The following PPARA variants were observed in gnomAD, a reference collection of about 807,000 sequenced individuals.
PPARA encodes peroxisome proliferator-activated receptor alpha.
A neutral mutation model predicts 42.2 loss-of-function variants in PPARA; 22 were observed. That is an observed-to-expected ratio of 0.52 (90% CI 0.37 to 0.74). The LOEUF (loss-of-function observed/expected upper bound fraction) is 0.74, where lower values mean the gene tolerates loss of function less well. Ranked by LOEUF, PPARA falls within the 30% of genes least tolerant of loss-of-function variation. The probability of loss-of-function intolerance (pLI) is 0.00; values close to 1 mark genes in which losing one functional copy is unlikely to be tolerated. For synonymous variants in PPARA, 242 were observed against 239.3 expected (o/e 1.01, Z -0.10); for missense variants, 465 against 608.2 (o/e 0.76, Z 2.48).
intron 3 of PPARA, among the ~76,000 whole-genome samples, chr22:46,185,539 G>A (rs1002065857): frequency 1.3e-5 from 2 of 150,496 alleles, no homozygotes; most frequent in African/African-American, 4.9e-5. Context: ...TCTGGCAAAA[G>A]ACAATACTGT....
chr22:46,224,548 G>A lies in PPARA; in HGVS notation c.711+4534G>A, dbSNP rs1935253604. Among the ~76,000 whole-genome samples, 1 of 152,216 alleles carries A rather than the reference G, an allele frequency of 6.6e-6. No homozygotes were observed. Among genetic ancestry groups the A allele is most frequent in the Non-Finnish European group, 1.5e-5 (1 of 68,040 alleles). ...TCGCCGTTTCATCAGTTTCCAGCCT[G>A]GGTGACCTCACAGCCCCAGCCACGC... is the stretch of plus-strand genomic sequence containing the variant. On this transcript the variant is annotated intron_variant, in intron 7 of 8. Coordinates refer to ENST00000407236, the MANE Select transcript of PPARA (RefSeq NM_005036.6). The surrounding 1 kb of genome is among the most constrained non-coding windows in gnomAD (Gnocchi z 5.7).
chr22:46,220,279 T>A (rs1409777091), intron 7 of PPARA: 1 of 485,814 alleles, frequency 2.1e-6, no homozygotes, highest in Admixed American at 3.3e-5. Context: ...AAAAAAAACC[T>A]TAATAGCTTA....
chr22:46,212,346 C>T lies in PPARA; in HGVS notation c.209-2827C>T, dbSNP rs1014855148. Among the ~76,000 whole-genome samples the T allele has an allele frequency of 2.6e-5, 4 of 152,142 alleles. No individual in the cohort carries two copies. The highest frequency in any genetic ancestry group is 9.7e-5 in the African/African-American group (4 of 41,440). On this transcript the variant is annotated intron_variant, in intron 4 of 8. Coordinates refer to ENST00000407236, the MANE Select transcript of PPARA (RefSeq NM_005036.6). This position sits in a 1 kb window ranked among gnomAD's most constrained non-coding sequence, Gnocchi z 4.2. Reference sequence around the variant, plus strand: ...TGCTGGGATGACAGGCATGAGCTACCGTGCCCAGACCACTGTTAGATTTTC... The same window carrying T: ...TGCTGGGATGACAGGCATGAGCTACTGTGCCCAGACCACTGTTAGATTTTC...
chr22:46,201,527 G>A (rs145478751), intron 4 of PPARA, among the ~76,000 whole-genome samples: 71 of 152,284 alleles, frequency 4.7e-4, no homozygotes, highest in African/African-American at 1.6e-3. Flanking sequence ...AAAAGGCTCC[G>A]TGTCAGGTGG....
At chr22:46,209,419 C>T (rs1933710002) in intron 4 of PPARA, among the ~76,000 whole-genome samples, 1 of 152,194 alleles carries the variant, frequency 6.6e-6, no homozygotes, top group Admixed American at 6.5e-5. Flanking sequence ...TTGTCGTTCT[C>T]TGTCTACCTT....
rs1016691300 is a variant in PPARA at position 46,165,508 on chromosome 22, G to A, written c.-126-11245G>A. 3.3e-5 allele frequency among the ~76,000 whole-genome samples: 5 copies of A among 152,208 alleles called. No individual in the cohort carries two copies. ...GATGTTTGGGGCCATTGTGTCCCTG[G>A]GGTGTTGGCCAATTTATGAAAGAAG... On this transcript the variant is annotated intron_variant, in intron 2 of 8. Coordinates refer to ENST00000407236, the MANE Select transcript of PPARA (RefSeq NM_005036.6). The surrounding 1 kb of genome is among the most constrained non-coding windows in gnomAD (Gnocchi z 5.5).
Position 46,232,420 on chromosome 22 carries a change from T to C in PPARA, c.1159+181T>C, listed in dbSNP as rs770718116. Among the ~76,000 whole-genome samples, 1 of 152,018 alleles carries C rather than the reference T, an allele frequency of 6.6e-6. No homozygotes were observed. The highest frequency in any genetic ancestry group is 1.5e-5 in the Non-Finnish European group (1 of 68,000). On this transcript the variant is annotated intron_variant, in intron 8 of 8. Transcript: ENST00000407236. This position sits in a 1 kb window ranked among gnomAD's most constrained non-coding sequence, Gnocchi z 5.3. ...TTCAGTGGGAATTATAACAATATTG[T>C]ATAATATTATAGTATATATTGTTAT...
In PPARA at chr22:46,191,483, TG is replaced by T. The variant is rs1931535695; in HGVS notation, c.-42-6857del. Among the ~76,000 whole-genome samples, 1 of 149,168 alleles carries T rather than the reference TG, an allele frequency of 6.7e-6. No homozygotes were observed. The highest frequency in any genetic ancestry group is 1.5e-5 in the Non-Finnish European group (1 of 67,416). On this transcript the variant is annotated intron_variant, in intron 3 of 8. Coordinates refer to ENST00000407236, the MANE Select transcript of PPARA (RefSeq NM_005036.6). The surrounding 1 kb of genome is among the most constrained non-coding windows in gnomAD (Gnocchi z 4.6). The stretch of plus-strand genomic sequence containing the variant: ...CTGTTCCTCCCTATTGTGTTCAGTA[TG>T]GTTTTTTTTTTTTTTTTCCTTTTGC...
In PPARA at chr22:46,212,400, C is replaced by A. The variant is rs1444980618; in HGVS notation, c.209-2773C>A. ...TGAATAGTTTCACCACATCAAAAAA[C>A]CCCATGCTTCACCTATTCAACCCTG... On this transcript the variant is annotated intron_variant, in intron 4 of 8. Coordinates refer to ENST00000407236, the MANE Select transcript of PPARA (RefSeq NM_005036.6). The surrounding 1 kb of genome is among the most constrained non-coding windows in gnomAD (Gnocchi z 4.2). 6.6e-6 allele frequency among the ~76,000 whole-genome samples: 1 copy of A among 152,166 alleles called. No individual in the cohort carries two copies. Among genetic ancestry groups the A allele is most frequent in the African/African-American group, 2.4e-5 (1 of 41,444 alleles).
At position 46,221,118 on chromosome 22, in the gene PPARA, CAGA is replaced by C. The variant is rs2057639247; in HGVS notation, c.711+1107_711+1109del. ...AGGCCTCAGGGAATTTGACTCATAGCAGAAGGTGAAGTGGGAGTAGGCGTCTTG... is the reference window on the plus strand; with the variant it reads ...AGGCCTCAGGGAATTTGACTCATAGCAGGTGAAGTGGGAGTAGGCGTCTTG... On this transcript the variant is annotated intron_variant, in intron 7 of 8. Coordinates refer to ENST00000407236, the MANE Select transcript of PPARA (RefSeq NM_005036.6). This position sits in a 1 kb window ranked among gnomAD's most constrained non-coding sequence, Gnocchi z 5.9. 2.0e-5 allele frequency among the ~76,000 whole-genome samples: 3 copies of C among 152,144 alleles called. No homozygotes were observed. The highest frequency in any genetic ancestry group is 7.2e-5 in the African/African-American group (3 of 41,418).
At chr22:46,199,902 T>C (rs1932771780) in intron 4 of PPARA, among the ~76,000 whole-genome samples, 1 of 151,968 alleles carries the variant, frequency 6.6e-6, no homozygotes, top group African/African-American at 2.4e-5. Flanking sequence ...TTTGTATTTT[T>C]AGTAGAGATG....
rs1199941436 is a variant in PPARA, at chr22:46,182,780, C to T, written c.-43+5944C>T. On this transcript the variant is annotated intron_variant, in intron 3 of 8. Coordinates refer to ENST00000407236, the MANE Select transcript of PPARA (RefSeq NM_005036.6). This position sits in a 1 kb window ranked among gnomAD's most constrained non-coding sequence, Gnocchi z 5.2. Reference sequence around the variant, plus strand: ...TATTTTTTGAGACAGAGTCTCGCTCCATCGTCCAGGCTGGAGTGCAATGGC... The same window carrying T: ...TATTTTTTGAGACAGAGTCTCGCTCTATCGTCCAGGCTGGAGTGCAATGGC... 2.0e-5 allele frequency among the ~76,000 whole-genome samples: 3 copies of T among 152,078 alleles called. No homozygotes were observed. The highest frequency in any genetic ancestry group is 7.2e-5 in the African/African-American group (3 of 41,398).
intron 5 of PPARA, among the ~76,000 whole-genome samples, chr22:46,217,819 C>CTTTTTTTTTTTTTTTTTTTTTTT (rs60894989): frequency 2.6e-5 from 2 of 77,046 alleles, no homozygotes; most frequent in African/African-American, 1.2e-4. Flanking sequence ...CTATTTCTTT[C>CTTTTTTTTTTTTTTTTTTTTTTT]TTTTTTTTTT....
In PPARA at chr22:46,231,641, T is replaced by G. The variant is rs543758270; in HGVS notation, c.712-151T>G. ...TTATTTTCCCCAACCGATTTTGAAG[T>G]TGAGTAAGGACTATGTTCCGCGGGT... is the stretch of plus-strand genomic sequence containing the variant. On this transcript the variant is annotated intron_variant, in intron 7 of 8. Coordinates refer to ENST00000407236, the MANE Select transcript of PPARA (RefSeq NM_005036.6). This position sits in a 1 kb window ranked among gnomAD's most constrained non-coding sequence, Gnocchi z 7.7. 2.1e-5 allele frequency: 16 copies of G among 763,616 alleles called. No homozygotes were observed. The African/African-American group carries it at 2.6e-4, about 12-fold the overall frequency. 47.3% of individuals were successfully genotyped at this position (763,616 alleles called of 1,614,324 possible). A position where few individuals can be genotyped will look rare whatever the true frequency, so the allele number is the denominator to read the frequency against.
In PPARA at chr22:46,188,063, G is replaced by A. The variant is rs1306849569; in HGVS notation, c.-42-10279G>A. Reference sequence around the variant, plus strand: ...CGAACAGCCTGGCACCAGCTACCAGGCATGTGACTGAGGCCATCCAGCCAT... The same window carrying A: ...CGAACAGCCTGGCACCAGCTACCAGACATGTGACTGAGGCCATCCAGCCAT... On this transcript the variant is annotated intron_variant, in intron 3 of 8. Coordinates refer to ENST00000407236, the MANE Select transcript of PPARA (RefSeq NM_005036.6). The surrounding 1 kb of genome is among the most constrained non-coding windows in gnomAD (Gnocchi z 5.0). Among the ~76,000 whole-genome samples the A allele has an allele frequency of 6.6e-6, 1 of 152,178 alleles. No homozygotes were observed. The highest frequency in any genetic ancestry group is 2.4e-5 in the African/African-American group (1 of 41,444).
At chr22:46,213,932 A>G (rs550844045) in intron 4 of PPARA, among the ~76,000 whole-genome samples, 1 of 152,320 alleles carries the variant, frequency 6.6e-6, no homozygotes, top group South Asian at 2.1e-4. Flanking sequence ...CTCTTTGTAT[A>G]TTACCACATG....
Position 46,183,372 on chromosome 22 carries a change from G to A in PPARA, c.-43+6536G>A. ...ACTTGACTGAAGACTCCAAGAGAGA[G>A]TAATATTCATCAAGAGGATCATCTA... is the stretch of plus-strand genomic sequence containing the variant. On this transcript the variant is annotated intron_variant, in intron 3 of 8. Coordinates refer to ENST00000407236, the MANE Select transcript of PPARA (RefSeq NM_005036.6). This position sits in a 1 kb window ranked among gnomAD's most constrained non-coding sequence, Gnocchi z 5.5. Among the ~76,000 whole-genome samples, 1 of 152,238 alleles carries A rather than the reference G, an allele frequency of 6.6e-6. No individual in the cohort carries two copies. The highest frequency in any genetic ancestry group is 1.5e-5 in the Non-Finnish European group (1 of 68,050).
Position 46,225,923 on chromosome 22 carries a change from A to G in PPARA, c.712-5869A>G, listed in dbSNP as rs1935401250. 6.6e-6 allele frequency among the ~76,000 whole-genome samples: 1 copy of G among 151,924 alleles called. No homozygotes were observed. Among genetic ancestry groups the G allele is most frequent in the Non-Finnish European group, 1.5e-5 (1 of 67,950 alleles). On this transcript the variant is annotated intron_variant, in intron 7 of 8. Transcript: ENST00000407236. This position sits in a 1 kb window ranked among gnomAD's most constrained non-coding sequence, Gnocchi z 4.1. ...CCCACACCTGTGTGTACACACACAC[A>G]TGCATGCTCACACACATGCACCCAG...
intron 4 of PPARA, among the ~76,000 whole-genome samples, chr22:46,207,090 G>A (rs1292151149): frequency 6.6e-6 from 1 of 151,770 alleles, no homozygotes; most frequent in Non-Finnish European, 1.5e-5. Flanking sequence ...GGGCATGGTG[G>A]CTCATGCCTA....
Sources: gnomAD v4.1 joint callset for allele counts (sites outside exome capture counted in the v4.1 genomes callset) on GRCh38, gnomAD v4.1.1 for gene constraint, Gnocchi (gnomAD v3.1) non-coding constraint, MANE v1.5 for transcripts, NCBI Gene and HGNC (gene_info 2026-07-23, HGNC 2026-07-21) for gene names.